Variants in BRCA1 observed in about 807,000 individuals in gnomAD.
The protein encoded by BRCA1 is breast cancer type 1 susceptibility protein.
BRCA1 carries 140 observed loss-of-function variants against 173.7 expected under a neutral mutation model. The ratio of observed to expected loss-of-function variants is 0.81; its 90% CI spans 0.70 to 0.93. BRCA1 has a LOEUF of 0.93. Among genes scored for constraint, BRCA1 ranks in the 40% least tolerant of loss-of-function variants. BRCA1 has a pLI of 0.00. For missense variants in BRCA1, 1,983 were observed against 2,172.5 expected, an observed-to-expected ratio of 0.91 and a Z score of 1.73; for synonymous variants, 662 against 756.0, an observed-to-expected ratio of 0.88 and a Z score of 2.04.
At chr17:43,121,610 G>A (rs913855864) in intron 2 of BRCA1, among the ~76,000 whole-genome samples, 1 of 148,956 alleles carries the variant, frequency 6.7e-6, no homozygotes, top group Non-Finnish European at 1.5e-5. Flanking sequence ...TTGAACCCGG[G>A]AGGTGGAGGT....
chr17:43,117,774 A>G (rs1415384496), intron 2 of BRCA1, among the ~76,000 whole-genome samples: 1 of 152,038 alleles, frequency 6.6e-6, no homozygotes, highest in African/African-American at 2.4e-5. Flanking sequence ...AAACTTCAGA[A>G]AATACATCAC....
At position 43,063,345 on chromosome 17, in the gene BRCA1, TTTTC is replaced by T. The variant is rs80357867; in HGVS notation, c.5177_5180del (p.Arg1726LysfsTer3). The T allele has an allele frequency of 2.5e-6, 4 of 1,610,824 alleles. No individual in the cohort carries two copies. In the African/African-American group the frequency reaches 4.0e-5, roughly 16 times the overall value. On this transcript the variant is annotated frameshift_variant, in exon 18 of 23. Transcript: ENST00000357654. LOFTEE classifies it high-confidence loss of function. ...ATCAAGTACTTACCTCATTCAGCATTTTTCTTTCTTTAATAGACTGGGTCACCCC... is the reference window on the plus strand; with the variant it reads ...ATCAAGTACTTACCTCATTCAGCATTTTTCTTTAATAGACTGGGTCACCCC...
chr17:43,060,206 TG>T (rs2051686826), intron 18 of BRCA1, among the ~76,000 whole-genome samples: 1 of 152,126 alleles, frequency 6.6e-6, no homozygotes, highest in African/African-American at 2.4e-5. Flanking sequence ...CCCGTGTAGC[TG>T]GGATTAGAGG....
At chr17:43,168,544 C>T (rs2056284456) in intron 1 of BRCA1, among the ~76,000 whole-genome samples, 1 of 152,208 alleles carries the variant, frequency 6.6e-6, no homozygotes, top group South Asian at 2.1e-4. Flanking sequence ...GGAGCTGAGG[C>T]AGGAGAATCG....
chr17:43,061,084 C>T (rs535976830), intron 18 of BRCA1, among the ~76,000 whole-genome samples: 1 of 152,210 alleles, frequency 6.6e-6, no homozygotes, highest in Non-Finnish European at 1.5e-5. Context: ...CAAGATTGTG[C>T]CACTGCACTC....
At chr17:43,060,290 C>T (rs1001053043) in intron 18 of BRCA1, among the ~76,000 whole-genome samples, 1 of 151,988 alleles carries the variant, frequency 6.6e-6, no homozygotes, top group African/African-American at 2.4e-5. Flanking sequence ...GATCTGTCCG[C>T]CTTGACCTCC....
chr17:43,111,617 C>T (rs1484357005), intron 3 of BRCA1, among the ~76,000 whole-genome samples: 1 of 151,630 alleles, frequency 6.6e-6, no homozygotes, highest in Non-Finnish European at 1.5e-5. Flanking sequence ...GTCAGGAGAT[C>T]GAGACCATCC....
chr17:43,076,884 GA>G lies in BRCA1; in HGVS notation c.4358-271del, dbSNP rs907721774. Among the ~76,000 whole-genome samples, 386 of 148,096 alleles carry G rather than the reference GA, an allele frequency of 2.6e-3. 3 individuals carry two copies. Among genetic ancestry groups the G allele is most frequent in the Non-Finnish European group, 3.6e-3 (238 of 66,840 alleles). On this transcript the variant is annotated intron_variant, in intron 12 of 22. Coordinates refer to ENST00000357654, the MANE Select transcript of BRCA1 (RefSeq NM_007294.4). ...AAAGACACCCAGCTGAGACAAGGCTGAAAAAAAAAATCTATATTCCTTGGCC... is the reference window on the plus strand; with the variant it reads ...AAAGACACCCAGCTGAGACAAGGCTGAAAAAAAAATCTATATTCCTTGGCC...
rs1438140067 is a variant in BRCA1, at chr17:43,106,510, T to C, written c.158A>G (p.Asn53Ser). ...ACACTGTGAAGGCCCTTTCTTCTGG[T>C]TGAGAAGTTTCAGCATGCAAAATCT... Reference protein sequence around the residue: ...FCKFCMLKLLNQKKGPSQCPL... With the variant: ...FCKFCMLKLLSQKKGPSQCPL... The change falls in exon 4 of 23, where the codon AAC becomes AGC. Residue 53 changes from asparagine (N) to serine (S), a missense_variant. By Grantham distance (46) the Asn-to-Ser change is conservative. Coordinates refer to ENST00000357654, the MANE Select transcript of BRCA1 (RefSeq NM_007294.4). 2.5e-6 allele frequency: 4 copies of C among 1,602,062 alleles called. No individual in the cohort carries two copies. Among genetic ancestry groups the C allele is most frequent in the South Asian group, 2.2e-5 (2 of 90,384 alleles).
At chr17:43,102,034 C>T (rs865927062) in intron 6 of BRCA1, among the ~76,000 whole-genome samples, 1 of 152,020 alleles carries the variant, frequency 6.6e-6, no homozygotes, top group South Asian at 2.1e-4. Context: ...TCCCAAGTAG[C>T]TAGGACCACA....
intron 12 of BRCA1, among the ~76,000 whole-genome samples, chr17:43,078,390 T>C (rs1056718523): frequency 1.3e-5 from 2 of 152,194 alleles, no homozygotes; most frequent in African/African-American, 4.8e-5. Context: ...CAGCCTGGTC[T>C]AGAACTCTTA....
At chr17:43,081,078 T>C (rs934680603) in intron 12 of BRCA1, among the ~76,000 whole-genome samples, 2 of 152,258 alleles carry the variant, frequency 1.3e-5, no homozygotes, top group African/African-American at 4.8e-5. Context: ...CACACGTATA[T>C]ACCAAAGAGG....
intron 1 of BRCA1, among the ~76,000 whole-genome samples, chr17:43,155,750 T>G (rs1251680348): frequency 1.3e-5 from 2 of 151,986 alleles, no homozygotes; most frequent in Admixed American, 6.6e-5. Context: ...GCCCAGGCTG[T>G]TCTTGAAGTC....
chr17:43,048,471 C>T (rs903545091), intron 21 of BRCA1, among the ~76,000 whole-genome samples: 20 of 151,428 alleles, frequency 1.3e-4, no homozygotes, highest in African/African-American at 4.9e-4. Context: ...TCCCAAAGTG[C>T]TGGGATTACA....
rs2055251821 is a variant in BRCA1 at position 43,115,747 on chromosome 17, T to C, written c.113A>G (p.Lys38Arg). The C allele has an allele frequency of 6.2e-7, 1 of 1,613,702 alleles. No individual in the cohort carries two copies. ...LELIKEPVST[K>R]CDHIFCKFCM... ...TTACTTGCAAAATATGTGGTCACAC[T>C]TTGTGGAGACAGGTTCCTTGATCAA... The change falls in exon 3 of 23, where the codon AAG becomes AGG. Residue 38 changes from lysine (K) to arginine (R), a missense_variant. Transcript: ENST00000357654.
chr17:43,142,093 T>C (rs1349744838), intron 1 of BRCA1, among the ~76,000 whole-genome samples: 5 of 152,116 alleles, frequency 3.3e-5, no homozygotes, highest in African/African-American at 7.2e-5. Context: ...TTGTATTTTT[T>C]AGTAGAGACG....
At chr17:43,127,681 A>G (rs1004220219), upstream of BRCA1, among the ~76,000 whole-genome samples, 1 of 152,166 alleles carries the variant, frequency 6.6e-6, no homozygotes, top group African/African-American at 2.4e-5. Flanking sequence ...AGCTCTCTGT[A>G]AAATGGACCA....
At chr17:43,129,566 C>G (rs1211314063), upstream of BRCA1, among the ~76,000 whole-genome samples, 1 of 152,216 alleles carries the variant, frequency 6.6e-6, no homozygotes, top group South Asian at 2.1e-4. Flanking sequence ...CTCTGTCTCC[C>G]GGGTTCACGC....
At chr17:43,095,950 A>G in intron 8 of BRCA1, 28 bp from the exon 9 acceptor site, 1 of 1,552,870 alleles carries the variant, frequency 6.4e-7, no homozygotes, top group Non-Finnish European at 8.9e-7. Context: ...AGTCCTAATA[A>G]GAAACACTAG....
Sources: gnomAD v4.1 joint callset for allele counts (sites outside exome capture counted in the v4.1 genomes callset) on GRCh38, gnomAD v4.1.1 for gene constraint, MANE v1.5 for transcripts, NCBI Gene and HGNC (gene_info 2026-07-23, HGNC 2026-07-21) for gene names.